Variants in EPHA3 observed in about 807,000 individuals in gnomAD.
EPHA3 encodes EPH receptor A3.
A neutral mutation model predicts 107.1 loss-of-function variants in EPHA3; 42 were observed. The ratio of observed to expected loss-of-function variants is 0.39; its 90% CI spans 0.31 to 0.51. EPHA3 has a LOEUF of 0.51. Among genes scored for constraint, EPHA3 ranks in the 20% least tolerant of loss-of-function variants. The pLI, the probability that EPHA3 is intolerant of heterozygous loss-of-function variation, is 0.78. For missense variants in EPHA3, 1,183 were observed against 1,211.2 expected, an observed-to-expected ratio of 0.98 and a Z score of 0.35; for synonymous variants, 461 against 424.8, an observed-to-expected ratio of 1.09 and a Z score of -1.05.
intron 5 of EPHA3, among the ~76,000 whole-genome samples, chr3:89,380,089 A>G (rs1489606840): frequency 6.6e-6 from 1 of 152,132 alleles, no homozygotes; most frequent in Non-Finnish European, 1.5e-5. Context: ...TTCTGTTTCC[A>G]CGCACATGGT....
At chr3:89,360,891 A>G (rs1397472604) in intron 5 of EPHA3, among the ~76,000 whole-genome samples, 1 of 151,002 alleles carries the variant, frequency 6.6e-6, no homozygotes, top group East Asian at 1.9e-4. Context: ...GGTGACTGGC[A>G]TTACTTTTTA....
Position 89,210,063 on chromosome 3 carries a change from A to G in EPHA3, c.357A>G (p.Thr119=), listed in dbSNP as rs184977302. The part of the protein sequence containing the change: ...IPLVLGTCKE[T]FNLYYMESDD... The stretch of plus-strand genomic sequence containing the variant: ...TGGTTTTAGGAACTTGCAAGGAGAC[A>G]TTCAACCTGTACTACATGGAGTCTG... The change falls in exon 3 of 17, where the codon ACA becomes ACG. Residue 119 remains threonine (T), a synonymous_variant. Transcript: ENST00000336596. 6.2e-7 allele frequency: 1 copy of G among 1,614,044 alleles called. No individual in the cohort carries two copies. Among genetic ancestry groups the G allele is most frequent in the Admixed American group, 1.7e-5 (1 of 60,010 alleles).
intron 2 of EPHA3, among the ~76,000 whole-genome samples, chr3:89,204,608 ATG>A (rs71621535): frequency 0.013 from 1,990 of 148,688 alleles, 42 homozygotes; most frequent in African/African-American, 0.042. Context: ...CTGTGTGTAA[ATG>A]TGTGTGTGTG....
intron 2 of EPHA3, among the ~76,000 whole-genome samples, chr3:89,203,339 A>C (rs1390538329): frequency 1.3e-5 from 2 of 148,848 alleles, no homozygotes; most frequent in East Asian, 3.9e-4. Context: ...AAAAAACAAA[A>C]CAAAACAAAA....
chr3:89,357,594 G>C (rs1347138310), intron 5 of EPHA3, among the ~76,000 whole-genome samples: 1 of 151,172 alleles, frequency 6.6e-6, no homozygotes, highest in Non-Finnish European at 1.5e-5. Flanking sequence ...ACATGTTATG[G>C]ATATTTATAC....
intron 3 of EPHA3, among the ~76,000 whole-genome samples, chr3:89,260,452 C>T (rs1559622695): frequency 6.6e-6 from 1 of 152,124 alleles, no homozygotes; most frequent in Admixed American, 6.5e-5. Context: ...AGCACCTTTT[C>T]ATATATATGT....
In EPHA3 at chr3:89,305,038, C is replaced by A. The variant is rs571529448; in HGVS notation, c.815-35878C>A. ...CATGGATTATTTTTCAATTTTATTT[C>A]TGATTATTTAAGACTGTGTTGGCAT... On this transcript the variant is annotated intron_variant, in intron 3 of 16. Transcript: ENST00000336596. Among the ~76,000 whole-genome samples the A allele has an allele frequency of 3.3e-3, 495 of 152,138 alleles. 1 individual carries two copies. The highest frequency in any genetic ancestry group is 5.6e-3 in the Non-Finnish European group (380 of 67,974).
intron 3 of EPHA3, among the ~76,000 whole-genome samples, chr3:89,265,679 C>T (rs957102539): frequency 6.6e-6 from 1 of 151,942 alleles, no homozygotes; most frequent in African/African-American, 2.4e-5. Flanking sequence ...TATAGCAGAA[C>T]CAATTGCTTA....
intron 2 of EPHA3, among the ~76,000 whole-genome samples, chr3:89,143,844 C>CT (rs1451814035): frequency 6.6e-6 from 1 of 151,376 alleles, no homozygotes; most frequent in Non-Finnish European, 1.5e-5. Flanking sequence ...GAATTTTTTT[C>CT]TTTTCTATTT....
intron 7 of EPHA3, chr3:89,400,085 G>A: frequency 2.0e-6 from 2 of 1,014,350 alleles, no homozygotes; most frequent in Non-Finnish European, 2.4e-6. Flanking sequence ...ACTTAAAAAA[G>A]CCCTTTGCTA....
chr3:89,297,685 CA>C (rs1006535909), intron 3 of EPHA3, among the ~76,000 whole-genome samples: 2 of 152,120 alleles, frequency 1.3e-5, no homozygotes, highest in Non-Finnish European at 2.9e-5. Context: ...AAGGTTGCCA[CA>C]AACCTTTGGT....
chr3:89,477,682 C>T (rs1380716119), intron 16 of EPHA3, among the ~76,000 whole-genome samples: 1 of 151,806 alleles, frequency 6.6e-6, no homozygotes, highest in Non-Finnish European at 1.5e-5. Context: ...TCTCAATTTT[C>T]CTGGCTCTCC....
rs1231314228 is a variant in EPHA3, at chr3:89,352,803, T to C, written c.1306+10713T>C. 2.0e-5 allele frequency among the ~76,000 whole-genome samples: 3 copies of C among 147,114 alleles called. 1 individual carries two copies. The highest frequency in any genetic ancestry group is 4.5e-5 in the Non-Finnish European group (3 of 66,802). ...CTGTAATTCCAGCTACACGGGAGGC[T>C]GAGGCAGGAGAATTGCTTGAACCCA... On this transcript the variant is annotated intron_variant, in intron 5 of 16. Coordinates refer to ENST00000336596, the MANE Select transcript of EPHA3 (RefSeq NM_005233.6).
At chr3:89,358,947 A>G (rs962176791) in intron 5 of EPHA3, among the ~76,000 whole-genome samples, 1 of 151,236 alleles carries the variant, frequency 6.6e-6, no homozygotes, top group Non-Finnish European at 1.5e-5. Flanking sequence ...ACAATGGGAC[A>G]AGAGCAAATG....
At chr3:89,453,069 C>A (rs950117880) in intron 15 of EPHA3, among the ~76,000 whole-genome samples, 1 of 152,076 alleles carries the variant, frequency 6.6e-6, no homozygotes, top group Non-Finnish European at 1.5e-5. Context: ...CCAAACTTCA[C>A]AGAGACTGTA....
intron 16 of EPHA3, 85 bp from the exon 17 acceptor site, chr3:89,479,312 C>T (rs1710580257): frequency 5.7e-6 from 6 of 1,046,106 alleles, no homozygotes; most frequent in African/African-American, 1.6e-5. Context: ...TAGAATATAA[C>T]ATCGTGCAAA....
intron 5 of EPHA3, among the ~76,000 whole-genome samples, chr3:89,348,895 G>T (rs1226414051): frequency 8.1e-6 from 1 of 123,890 alleles, no homozygotes; most frequent in East Asian, 2.2e-4. Context: ...TTCAGGAGCA[G>T]GTTGTTCAGT....
chr3:89,390,002 A>T (rs765124211), intron 5 of EPHA3, among the ~76,000 whole-genome samples: 90 of 151,962 alleles, frequency 5.9e-4, no homozygotes, highest in African/African-American at 1.7e-3. Flanking sequence ...CTTTTTTTAA[A>T]TTTTTTTGAG....
intron 2 of EPHA3, among the ~76,000 whole-genome samples, chr3:89,201,400 T>A (rs1292164509): frequency 6.6e-6 from 1 of 152,132 alleles, no homozygotes; most frequent in Non-Finnish European, 1.5e-5. Flanking sequence ...AATGAATAAA[T>A]GAATACAAAT....
Sources: gnomAD v4.1 joint callset for allele counts (sites outside exome capture counted in the v4.1 genomes callset) on GRCh38, gnomAD v4.1.1 for gene constraint, MANE v1.5 for transcripts, NCBI Gene and HGNC (gene_info 2026-07-23, HGNC 2026-07-21) for gene names.